Variants in KCNN2 observed in about 807,000 individuals in gnomAD.
KCNN2 encodes the protein small conductance calcium-activated potassium channel protein 2.
A neutral mutation model predicts 55.5 loss-of-function variants in KCNN2; 24 were observed. The ratio of observed to expected loss-of-function variants is 0.43; its 90% CI spans 0.31 to 0.61. The LOEUF (loss-of-function observed/expected upper bound fraction) is 0.61. Ranked by LOEUF, KCNN2 falls within the 20% of genes least tolerant of loss-of-function variation. The probability of loss-of-function intolerance (pLI) is 0.08; values close to 1 mark genes in which losing one functional copy is unlikely to be tolerated. For synonymous variants in KCNN2, 431 were observed against 336.1 expected, an observed-to-expected ratio of 1.28 and a Z score of -3.09; for missense variants, 754 against 853.6, an observed-to-expected ratio of 0.88 and a Z score of 1.45.
At chr5:114,260,005 C>T (rs4496701) in intron 2 of KCNN2, among the ~76,000 whole-genome samples, 130,196 of 152,250 alleles carry the variant, frequency 0.86, 55,762 homozygotes, top group East Asian at 0.94. Flanking sequence ...GTCATCCTTG[C>T]TTCATCTTTT....
rs6868233 is a variant in KCNN2, at chr5:114,317,977, C to T, written c.-184-42968C>T. On this transcript the variant is annotated intron_variant, in intron 2 of 10. Coordinates refer to the KCNN2 transcript ENST00000512097. ...GGAGGGGGCAGGGATAATGAGCAAA[C>T]GAAAGCAACAGATCAACAGTACACG... Among the ~76,000 whole-genome samples, 228 of 152,190 alleles carry T rather than the reference C, an allele frequency of 1.5e-3. 1 individual carries two copies. Among genetic ancestry groups the T allele is most frequent in the African/African-American group, 3.5e-3 (147 of 41,532 alleles).
intron 1 of KCNN2, among the ~76,000 whole-genome samples, chr5:114,127,269 A>G (rs2954360): frequency 0.61 from 93,122 of 152,048 alleles, 29,352 homozygotes; most frequent in African/African-American, 0.77. Flanking sequence ...ACTGCCCTGG[A>G]AGAGGTTCTC....
chr5:114,460,504 A>G (rs1761144748), intron 3 of KCNN2, among the ~76,000 whole-genome samples: 1 of 152,136 alleles, frequency 6.6e-6, no homozygotes, highest in Admixed American at 6.6e-5. Context: ...TTGGTCTCCC[A>G]AAGTGGTAGG....
intron 1 of KCNN2, among the ~76,000 whole-genome samples, chr5:114,092,910 G>A (rs1339931675): frequency 6.6e-6 from 1 of 152,154 alleles, no homozygotes; most frequent in Admixed American, 6.5e-5. Flanking sequence ...GCTTGTGATT[G>A]GAAGGGCTGC....
At chr5:114,102,733 G>T (rs1024062778) in intron 1 of KCNN2, among the ~76,000 whole-genome samples, 4 of 152,152 alleles carry the variant, frequency 2.6e-5, no homozygotes, top group Non-Finnish European at 5.9e-5. Flanking sequence ...GTTTGTCAAA[G>T]ATCAGATGGT....
chr5:114,140,441 T>A (rs1459288474), intron 1 of KCNN2, among the ~76,000 whole-genome samples: 1 of 152,174 alleles, frequency 6.6e-6, no homozygotes, highest in Non-Finnish European at 1.5e-5. Context: ...AAAGCAATGT[T>A]TGGAAGTAGA....
chr5:114,277,473 C>T (rs1239273483), intron 2 of KCNN2, among the ~76,000 whole-genome samples: 4 of 152,136 alleles, frequency 2.6e-5, no homozygotes, highest in Admixed American at 1.3e-4. Context: ...TTTAGGTACA[C>T]CAATCAAACA....
Position 114,215,951 on chromosome 5 carries a change from C to T in KCNN2, c.-270-5529C>T, listed in dbSNP as rs115010027. Among the ~76,000 whole-genome samples the T allele has an allele frequency of 1.2e-3, 181 of 152,018 alleles. 1 individual carries two copies. The highest frequency in any genetic ancestry group is 4.2e-3 in the African/African-American group (173 of 41,488). The stretch of plus-strand genomic sequence containing the variant: ...ATTAAAAGCATTTTAATGAACTAGC[C>T]GATTACCCAAAGTATCCTCAGGGAC... On this transcript the variant is annotated intron_variant, in intron 1 of 10. Transcript: ENST00000512097.
At chr5:114,279,989 A>G (rs1315746959) in intron 2 of KCNN2, among the ~76,000 whole-genome samples, 2 of 152,292 alleles carry the variant, frequency 1.3e-5, no homozygotes, top group South Asian at 2.1e-4. Flanking sequence ...AATGATCACC[A>G]TTCTAACTGG....
chr5:114,468,051 AAC>A (rs1247499324), intron 4 of KCNN2, among the ~76,000 whole-genome samples: 3 of 152,124 alleles, frequency 2.0e-5, no homozygotes, highest in Non-Finnish European at 4.4e-5. Context: ...ACTGGGCTCA[AAC>A]ACCACACACT....
chr5:114,254,045 A>AT (rs138813216), intron 2 of KCNN2, among the ~76,000 whole-genome samples: 13,823 of 152,160 alleles, frequency 0.091, 809 homozygotes, highest in Non-Finnish European at 0.13. Flanking sequence ...CAGCACAAGT[A>AT]TTTTTTTACT....
At chr5:114,119,989 G>A (rs80173740) in intron 1 of KCNN2, among the ~76,000 whole-genome samples, 2,558 of 152,168 alleles carry the variant, frequency 0.017, 58 homozygotes, top group African/African-American at 0.058. Context: ...CAGCATGTGC[G>A]CATGTGCAAA....
intron 3 of KCNN2, among the ~76,000 whole-genome samples, chr5:114,446,059 C>T (rs1458582152): frequency 6.6e-6 from 1 of 152,186 alleles, no homozygotes; most frequent in Non-Finnish European, 1.5e-5. Flanking sequence ...CTGGCCTCCT[C>T]CCCTGGCCCC....
At position 114,362,704 on chromosome 5, in the gene KCNN2, CCGCACCCGG is replaced by C; in HGVS notation, c.572_580del (p.Pro191_His193del). On this transcript the variant is annotated inframe_deletion, in exon 1 of 8. Coordinates refer to ENST00000673685, the MANE Select transcript of KCNN2 (RefSeq NM_021614.4). ...CCCGCTCTCGCACCACCACCACCAC[CCGCACCCGG>C]CGCACCACCAGCACCACCAGCCCCA... 3 of 1,491,282 alleles carry C rather than the reference CCGCACCCGG, an allele frequency of 2.0e-6. No individual in the cohort carries two copies. Among genetic ancestry groups the C allele is most frequent in the Non-Finnish European group, 2.7e-6 (3 of 1,129,884 alleles). The allele number at this position is 1,491,282 out of a possible 1,614,324, so 92.4% of individuals were successfully genotyped here. A position where few individuals can be genotyped will look rare whatever the true frequency, so the allele number is the denominator to read the frequency against.
At chr5:114,261,087 T>C (rs1755099931) in intron 2 of KCNN2, among the ~76,000 whole-genome samples, 1 of 152,230 alleles carries the variant, frequency 6.6e-6, no homozygotes, top group East Asian at 1.9e-4. Flanking sequence ...ATATACTGTG[T>C]AAATTAATAG....
chr5:114,456,324 G>A (rs754418325), intron 3 of KCNN2, among the ~76,000 whole-genome samples: 11 of 152,162 alleles, frequency 7.2e-5, no homozygotes, highest in Non-Finnish European at 1.3e-4. Flanking sequence ...AAGCCTGGAT[G>A]ACAGCACATC....
intron 6 of KCNN2, among the ~76,000 whole-genome samples, chr5:114,492,028 A>G (rs113723914): frequency 1.3e-3 from 198 of 152,296 alleles, no homozygotes; most frequent in Non-Finnish European, 2.4e-3. Context: ...AAAGGAGCCA[A>G]TTAACTTCGT....
intron 1 of KCNN2, among the ~76,000 whole-genome samples, chr5:114,203,780 G>T (rs1471082167): frequency 6.6e-6 from 1 of 152,182 alleles, no homozygotes; most frequent in Non-Finnish European, 1.5e-5. Context: ...AGGAAGAAGT[G>T]ATTTTCCCAG....
intron 6 of KCNN2, among the ~76,000 whole-genome samples, chr5:114,489,358 C>T (rs1747735545): frequency 6.6e-6 from 1 of 152,076 alleles, no homozygotes; most frequent in Admixed American, 6.6e-5. Context: ...CAAATGCACC[C>T]TACAAGGCAT....
Sources: allele counts gnomAD v4.1 joint callset (sites outside exome capture counted in the v4.1 genomes callset), GRCh38; gene constraint gnomAD v4.1.1; transcripts MANE v1.5; gene names NCBI Gene and HGNC (gene_info 2026-07-23, HGNC 2026-07-21).